SLC26A5: variants seen among roughly 807,000 people sequenced by gnomAD.
The protein encoded by SLC26A5 is solute carrier family 26 member 5, also known as prestin.
Under a neutral mutation model 81.0 loss-of-function variants are expected in SLC26A5, and 51 were observed. That is an observed-to-expected ratio of 0.63 (90% CI 0.50 to 0.80). The LOEUF (loss-of-function observed/expected upper bound fraction) is 0.80. Among genes scored for constraint, SLC26A5 ranks in the 30% least tolerant of loss-of-function variants. The pLI is 0.00. For missense variants in SLC26A5, 771 were observed against 905.8 expected (o/e 0.85, Z 1.91); for synonymous variants, 325 against 332.8 (o/e 0.98, Z 0.25).
intron 19 of SLC26A5, chr7:103,362,155 G>C (rs776903889): frequency 6.3e-7 from 1 of 1,591,548 alleles, no homozygotes; most frequent in Non-Finnish European, 8.5e-7. Flanking sequence ...TCATATCCTT[G>C]GCTTTGTAGT....
At chr7:103,396,615 T>A (rs1419396097) in intron 9 of SLC26A5, among the ~76,000 whole-genome samples, 3 of 152,082 alleles carry the variant, frequency 2.0e-5, no homozygotes, top group African/African-American at 7.2e-5. Flanking sequence ...ACATGAGGCA[T>A]CTAGAGAAGT....
At chr7:103,423,146 C>T (rs976365282) in intron 2 of SLC26A5, among the ~76,000 whole-genome samples, 2 of 149,840 alleles carry the variant, frequency 1.3e-5, no homozygotes, top group Non-Finnish European at 3.0e-5. Flanking sequence ...GTGATGCACA[C>T]GTGTAATCCC....
At chr7:103,407,314 T>C (rs1378618331) in intron 8 of SLC26A5, among the ~76,000 whole-genome samples, 1 of 152,160 alleles carries the variant, frequency 6.6e-6, no homozygotes, top group Non-Finnish European at 1.5e-5. Context: ...TAATTGTGGT[T>C]ACTTAAGAAC....
At chr7:103,428,115 A>G (rs1191314597) in intron 2 of SLC26A5, among the ~76,000 whole-genome samples, 1 of 152,078 alleles carries the variant, frequency 6.6e-6, no homozygotes, top group East Asian at 1.9e-4. Flanking sequence ...AGCCTCCCAA[A>G]GTGCTGGGAT....
At chr7:103,408,409 T>C (rs1824227360) in intron 7 of SLC26A5, among the ~76,000 whole-genome samples, 1 of 152,074 alleles carries the variant, frequency 6.6e-6, no homozygotes, top group South Asian at 2.1e-4. Context: ...GTATTTTTAG[T>C]AGACACGGAG....
At chr7:103,429,977 A>C (rs975464169) in intron 2 of SLC26A5, among the ~76,000 whole-genome samples, 2 of 152,090 alleles carry the variant, frequency 1.3e-5, no homozygotes, top group African/African-American at 4.8e-5. Flanking sequence ...CTCCCCTTAA[A>C]TTCCTCTGCC....
intron 2 of SLC26A5, 113 bp from the exon 3 acceptor site, chr7:103,421,680 C>A: frequency 1.4e-6 from 1 of 692,342 alleles, no homozygotes; most frequent in South Asian, 1.7e-5. Context: ...CTTTGGACGC[C>A]CCAGAGGACC....
intron 8 of SLC26A5, among the ~76,000 whole-genome samples, chr7:103,403,741 C>T (rs1823796614): frequency 6.6e-6 from 1 of 150,390 alleles, no homozygotes; most frequent in African/African-American, 2.5e-5. Context: ...TATCTTCCTC[C>T]ATCCCTTTAT....
intron 9 of SLC26A5, among the ~76,000 whole-genome samples, chr7:103,394,014 C>T (rs1440775372): frequency 6.6e-6 from 1 of 152,186 alleles, no homozygotes; most frequent in Non-Finnish European, 1.5e-5. Flanking sequence ...TCCCATTTTA[C>T]AGATGAAGAA....
At chr7:103,378,588 A>G in intron 16 of SLC26A5, 35 bp from the exon 17 acceptor site, 2 of 1,595,164 alleles carry the variant, frequency 1.3e-6, no homozygotes, top group East Asian at 2.2e-5. Flanking sequence ...AAATCACTTC[A>G]TGGCTCTCAG....
At chr7:103,386,449 C>A (rs1369139545) in intron 14 of SLC26A5, among the ~76,000 whole-genome samples, 1 of 151,812 alleles carries the variant, frequency 6.6e-6, no homozygotes, top group African/African-American at 2.4e-5. Context: ...CGCCTGTAGT[C>A]TCAGCTACTC....
At chr7:103,374,910 A>G (rs928157145) in intron 19 of SLC26A5, among the ~76,000 whole-genome samples, 2 of 150,684 alleles carry the variant, frequency 1.3e-5, no homozygotes, top group Non-Finnish European at 3.0e-5. Flanking sequence ...GTGTTCTTCC[A>G]GGATTTCTCT....
chr7:103,435,943 T>C (rs928268959), intron 2 of SLC26A5, among the ~76,000 whole-genome samples: 3 of 152,182 alleles, frequency 2.0e-5, no homozygotes, highest in African/African-American at 4.8e-5. Context: ...TGACTTGTTA[T>C]TATTGACCAT....
At chr7:103,394,666 T>C (rs1486084197) in intron 9 of SLC26A5, among the ~76,000 whole-genome samples, 2 of 152,194 alleles carry the variant, frequency 1.3e-5, no homozygotes, top group African/African-American at 4.8e-5. Flanking sequence ...CAGATGCATT[T>C]ATATGTGTAG....
At chr7:103,386,062 G>A (rs186873941) in intron 14 of SLC26A5, among the ~76,000 whole-genome samples, 1 of 151,890 alleles carries the variant, frequency 6.6e-6, no homozygotes, top group Admixed American at 6.6e-5. Flanking sequence ...TCAGTAGCTG[G>A]GATTACAGGT....
At chr7:103,371,624 TG>T (rs1821045373), downstream of SLC26A5, among the ~76,000 whole-genome samples, 1 of 150,094 alleles carries the variant, frequency 6.7e-6, no homozygotes, top group African/African-American at 2.5e-5. Context: ...GCGCCTGGCC[TG>T]TACACTACTG....
intron 2 of SLC26A5, among the ~76,000 whole-genome samples, chr7:103,438,708 G>T (rs986997691): frequency 4.6e-5 from 7 of 152,066 alleles, no homozygotes. Context: ...ATGGTTTAAT[G>T]AGTTTACTGT....
chr7:103,370,933 C>T (rs1463201633), downstream of SLC26A5, among the ~76,000 whole-genome samples: 1 of 152,162 alleles, frequency 6.6e-6, no homozygotes, highest in Non-Finnish European at 1.5e-5. Context: ...GTAGATTATG[C>T]CCATTTTGAT....
At chr7:103,408,094 T>C in intron 7 of SLC26A5, 91 bp from the exon 8 acceptor site, 1 of 1,521,974 alleles carries the variant, frequency 6.6e-7, no homozygotes, top group Non-Finnish European at 9.1e-7. Flanking sequence ...CACCAGCCAT[T>C]CCGTTATTGG....
Sources: gnomAD v4.1 joint callset for allele counts (sites outside exome capture counted in the v4.1 genomes callset) on GRCh38, gnomAD v4.1.1 for gene constraint, MANE v1.5 for transcripts, NCBI Gene and HGNC (gene_info 2026-07-23, HGNC 2026-07-21) for gene names.